The following PALLD variants were observed in gnomAD, a reference collection of about 807,000 sequenced individuals.
The protein encoded by PALLD is palladin.
PALLD carries 61 observed loss-of-function variants against 123.5 expected under a neutral mutation model. The observed-to-expected ratio is 0.49, with a 90% CI of 0.40 to 0.61. The LOEUF is 0.61. PALLD is among the 20% of genes least tolerant of loss of function. The pLI is 0.00. For missense variants in PALLD, 1,273 were observed against 1,377.0 expected (o/e 0.92, Z 1.20); for synonymous variants, 465 against 496.4 (o/e 0.94, Z 0.84).
In PALLD at chr4:168,711,608, C is replaced by T. The variant is rs1163663320; in HGVS notation, c.1649C>T (p.Ser550Leu). ...AACACTGAAAACTGTAGTTACGAGT[C>T]AATGGGAGAATCCAACAATGACCAC... ...SANTENCSYE[S>L]MGESNNDHFQ... Residue 550 changes from serine (S) to leucine (L), a missense_variant, in exon 10 of 22, where the codon TCA becomes TTA. Ser to Leu is a moderately radical substitution (Grantham distance 145). Transcript: ENST00000505667. The T allele has an allele frequency of 6.2e-7, 1 of 1,613,946 alleles. No individual in the cohort carries two copies. The highest frequency in any genetic ancestry group is 1.7e-5 in the Admixed American group (1 of 60,014).
rs1004537744 is a variant in PALLD at position 168,922,900 on chromosome 4, G to A, written c.3058+1159G>A. ...CAGTAATTGGAAGCAAAGTCTTTGG[G>A]GTCAGATCTGCTCCAGTCCCGGCTC... On this transcript the variant is annotated intron_variant, in intron 18 of 21. Transcript: ENST00000505667. Among the ~76,000 whole-genome samples the A allele has an allele frequency of 2.4e-4, 36 of 152,114 alleles. 1 individual carries two copies. Among genetic ancestry groups the A allele is most frequent in the African/African-American group, 8.2e-4 (34 of 41,418 alleles).
At chr4:168,501,320 A>G (rs1332976463) in intron 1 of PALLD, among the ~76,000 whole-genome samples, 1 of 152,156 alleles carries the variant, frequency 6.6e-6, no homozygotes, top group Non-Finnish European at 1.5e-5. Context: ...AAGCTAAAGT[A>G]AAAGGATCCT....
At chr4:168,658,913 A>C (rs577684867) in intron 2 of PALLD, among the ~76,000 whole-genome samples, 2 of 152,200 alleles carry the variant, frequency 1.3e-5, no homozygotes, top group Non-Finnish European at 2.9e-5. Flanking sequence ...GTCCACACAA[A>C]TTTAGCTATT....
chr4:168,551,198 T>C (rs757488101), intron 2 of PALLD, among the ~76,000 whole-genome samples: 8 of 152,242 alleles, frequency 5.3e-5, no homozygotes, highest in Admixed American at 3.3e-4. Context: ...AATCTATTTT[T>C]ATGTGCATTT....
At chr4:168,903,157 A>G (rs1756910620) in intron 14 of PALLD, among the ~76,000 whole-genome samples, 1 of 147,090 alleles carries the variant, frequency 6.8e-6, no homozygotes, top group Non-Finnish European at 1.5e-5. Flanking sequence ...GGGATAGGTG[A>G]CAAACATTTA....
intron 10 of PALLD, among the ~76,000 whole-genome samples, chr4:168,858,083 A>C (rs1748864747): frequency 6.6e-6 from 1 of 152,248 alleles, no homozygotes; most frequent in African/African-American, 2.4e-5. Context: ...CTGATTATTT[A>C]GAGCAAAATT....
chr4:168,556,634 C>A (rs996126417), intron 2 of PALLD, among the ~76,000 whole-genome samples: 1 of 152,202 alleles, frequency 6.6e-6, no homozygotes, highest in Non-Finnish European at 1.5e-5. Context: ...GACTCTTACC[C>A]TGTGTTATTT....
At chr4:168,542,591 A>G (rs1274499804) in intron 2 of PALLD, among the ~76,000 whole-genome samples, 1 of 150,494 alleles carries the variant, frequency 6.6e-6, no homozygotes, top group Non-Finnish European at 1.5e-5. Context: ...GTTTCCATAA[A>G]CAGAAAAATT....
intron 10 of PALLD, among the ~76,000 whole-genome samples, chr4:168,884,033 C>G (rs1343454695): frequency 6.6e-6 from 1 of 151,614 alleles, no homozygotes. Flanking sequence ...AAAGAAGGTG[C>G]CACTTCAGGG....
At chr4:168,569,586 G>T (rs1768765824) in intron 2 of PALLD, among the ~76,000 whole-genome samples, 1 of 152,146 alleles carries the variant, frequency 6.6e-6, no homozygotes, top group South Asian at 2.1e-4. Flanking sequence ...AAATGTCAGT[G>T]TATGAATCAG....
intron 14 of PALLD, among the ~76,000 whole-genome samples, chr4:168,899,917 CAAA>C (rs1172762037): frequency 1.8e-5 from 2 of 109,008 alleles, no homozygotes; most frequent in Non-Finnish European, 1.9e-5. Flanking sequence ...GACTCCGTCT[CAAA>C]AAAAAAAAAA....
Position 168,898,610 on chromosome 4 carries a change from A to G in PALLD, c.2368A>G (p.Asn790Asp). 6.2e-7 allele frequency: 1 copy of G among 1,613,988 alleles called. No individual in the cohort carries two copies. The highest frequency in any genetic ancestry group is 8.5e-7 in the Non-Finnish European group (1 of 1,179,828). Residue 790 changes from asparagine to aspartate, a missense_variant, in exon 14 of 22, where the codon AAT becomes GAT. By Grantham distance (23) the Asn-to-Asp change is conservative. Around this residue, in one of 2 missense-constraint regions of PALLD, gnomAD observed 944 missense variants for 954.5 expected, o/e 0.99. Coordinates refer to ENST00000505667, the MANE Select transcript of PALLD (RefSeq NM_001166108.2). The part of the protein sequence containing the change: ...EVQYGDVPVE[N>D]GMAPFFEMKL... ...TCAGTATGGAGATGTGCCTGTGGAA[A>G]ATGGAATGGCACCATTCTTTGAGAT...
intron 2 of PALLD, among the ~76,000 whole-genome samples, chr4:168,592,113 T>C (rs1771498918): frequency 6.7e-6 from 1 of 148,386 alleles, no homozygotes; most frequent in African/African-American, 2.5e-5. Flanking sequence ...ACCTCCGAGG[T>C]TCAAGCGATT....
chr4:168,791,398 C>T (rs993474446), intron 10 of PALLD, among the ~76,000 whole-genome samples: 7 of 152,184 alleles, frequency 4.6e-5, no homozygotes, highest in African/African-American at 1.7e-4. Context: ...TTAATTGACT[C>T]AGTACTGCAT....
intron 2 of PALLD, among the ~76,000 whole-genome samples, chr4:168,661,200 C>G (rs1397380329): frequency 6.6e-6 from 1 of 152,160 alleles, no homozygotes; most frequent in Non-Finnish European, 1.5e-5. Flanking sequence ...AGCCACCATG[C>G]CTGGTGCAAT....
intron 9 of PALLD, among the ~76,000 whole-genome samples, chr4:168,710,076 T>G (rs923197599): frequency 6.6e-6 from 1 of 152,122 alleles, no homozygotes; most frequent in Non-Finnish European, 1.5e-5. Context: ...GTATAAAATG[T>G]AATACAAGAT....
chr4:168,788,061 G>A (rs1004314635), intron 10 of PALLD, among the ~76,000 whole-genome samples: 21 of 152,116 alleles, frequency 1.4e-4, no homozygotes, highest in African/African-American at 4.6e-4. Context: ...GTTCCACTGG[G>A]TTTTGCTGTG....
chr4:168,512,186 G>T lies in PALLD; in HGVS notation c.682G>T (p.Gly228Trp), dbSNP rs1364571392. The T allele has an allele frequency of 1.2e-6, 2 of 1,613,706 alleles. No individual in the cohort carries two copies. Among genetic ancestry groups the T allele is most frequent in the Non-Finnish European group, 1.7e-6 (2 of 1,179,800 alleles). ...CAGCCAGAGCCCTATGGAAGACCAAGGGGAGATGGAAAGAGAGGTCAAGTC... is the reference window on the plus strand; with the variant it reads ...CAGCCAGAGCCCTATGGAAGACCAATGGGAGATGGAAAGAGAGGTCAAGTC... ...SASQSPMEDQGEMEREVKSPG... is the reference protein window; with the variant it reads ...SASQSPMEDQWEMEREVKSPG... Residue 228 changes from glycine (G) to tryptophan (W), a missense_variant, in exon 2 of 22, where the codon GGG becomes TGG. This residue lies in a region of PALLD where 944 missense variants were observed against 954.5 expected (regional missense o/e 0.99). Transcript: ENST00000505667.
At chr4:168,545,372 T>TA (rs1172456775) in intron 2 of PALLD, among the ~76,000 whole-genome samples, 2 of 151,846 alleles carry the variant, frequency 1.3e-5, no homozygotes, top group Non-Finnish European at 2.9e-5. Context: ...ACTAAAAGTA[T>TA]AAAAAAATTA....
Sources: gnomAD v4.1 joint callset for allele counts (sites outside exome capture counted in the v4.1 genomes callset) on GRCh38, gnomAD v4.1.1 for gene constraint, gnomAD v4.1.1 regional missense constraint, MANE v1.5 for transcripts, NCBI Gene and HGNC (gene_info 2026-07-23, HGNC 2026-07-21) for gene names.